GFRA1: variants seen among roughly 807,000 people sequenced by gnomAD.
GFRA1 encodes the protein GDNF family receptor alpha-1.
A neutral mutation model predicts 51.6 loss-of-function variants in GFRA1; 16 were observed. That is an observed-to-expected ratio of 0.31 (90% CI 0.21 to 0.47). The LOEUF is 0.47. Ranked by LOEUF, GFRA1 falls within the 20% of genes least tolerant of loss-of-function variation. The pLI is 1.00. For missense variants in GFRA1, 530 were observed against 594.3 expected (o/e 0.89, Z 1.13); for synonymous variants, 270 against 241.3 (o/e 1.12, Z -1.10).
At chr10:116,133,688 A>T (rs550001145) in intron 5 of GFRA1, among the ~76,000 whole-genome samples, 23 of 152,242 alleles carry the variant, frequency 1.5e-4, no homozygotes, top group Admixed American at 3.3e-4. Context: ...ACAGAATGTA[A>T]AACCCCAGCC....
intron 4 of GFRA1, among the ~76,000 whole-genome samples, chr10:116,213,868 C>T (rs1417089821): frequency 6.6e-6 from 1 of 152,102 alleles, no homozygotes. Flanking sequence ...GCTCATAATT[C>T]CCAGGGAATT....
At chr10:116,136,469 G>C (rs983719130) in intron 5 of GFRA1, among the ~76,000 whole-genome samples, 2 of 152,164 alleles carry the variant, frequency 1.3e-5, no homozygotes, top group African/African-American at 4.8e-5. Flanking sequence ...GAGTAACAAA[G>C]AATCCAAAAC....
At chr10:116,242,207 A>G (rs1374319755) in intron 4 of GFRA1, among the ~76,000 whole-genome samples, 1 of 152,220 alleles carries the variant, frequency 6.6e-6, no homozygotes, top group Non-Finnish European at 1.5e-5. Context: ...TGAAAGCACA[A>G]TTATTTGCAG....
chr10:116,229,946 G>A (rs1211048410), intron 4 of GFRA1, among the ~76,000 whole-genome samples: 1 of 152,186 alleles, frequency 6.6e-6, no homozygotes, highest in East Asian at 1.9e-4. Context: ...CCCTTGGGGA[G>A]CTTCCTTCTC....
intron 4 of GFRA1, among the ~76,000 whole-genome samples, chr10:116,229,003 A>G (rs929018752): frequency 5.4e-5 from 8 of 148,938 alleles, no homozygotes; most frequent in African/African-American, 7.5e-5. Context: ...AAAAAAAAAA[A>G]AAAAGAAAGG....
At chr10:116,176,689 G>GC (rs1284974377) in intron 5 of GFRA1, among the ~76,000 whole-genome samples, 3 of 151,756 alleles carry the variant, frequency 2.0e-5, no homozygotes, top group Non-Finnish European at 4.4e-5. Context: ...CACAAGAATG[G>GC]CCTAACACAC....
intron 3 of GFRA1, 87 bp from the exon 4 acceptor site, chr10:116,269,673 T>C: frequency 3.7e-6 from 3 of 801,320 alleles, no homozygotes; most frequent in Admixed American, 1.8e-5. Flanking sequence ...TCTAATTATG[T>C]TATGATTGTG....
In GFRA1 at chr10:116,196,798, CATATATAA is replaced by C. The variant is rs796660435; in HGVS notation, c.433+14825_433+14832del. ...ACTGTATATAATATAATATATAATA[CATATATAA>C]ATATATAAATATAAAAATACTTATA... On this transcript the variant is annotated intron_variant, in intron 5 of 10. Transcript: ENST00000355422. Among the ~76,000 whole-genome samples the C allele has an allele frequency of 1.3e-3, 139 of 107,008 alleles. 2 individuals carry two copies. The East Asian group carries it at 0.029, about 22-fold the overall frequency. The allele number at this position is 107,008 out of a possible 152,430, so 70.2% of individuals were successfully genotyped here.
intron 4 of GFRA1, among the ~76,000 whole-genome samples, chr10:116,251,990 T>TTTTTTTAA (rs1968412064): frequency 8.9e-6 from 1 of 111,868 alleles, no homozygotes; most frequent in East Asian, 2.7e-4. Context: ...TTTTTTTTTT[T>TTTTTTTAA]ACAATTACCA....
intron 5 of GFRA1, among the ~76,000 whole-genome samples, chr10:116,207,748 AG>A (rs1462432278): frequency 6.6e-6 from 1 of 152,212 alleles, no homozygotes; most frequent in Non-Finnish European, 1.5e-5. Context: ...ATAATTTGCC[AG>A]CCTTAAGGAC....
At chr10:116,221,621 C>T (rs1200919789) in intron 4 of GFRA1, among the ~76,000 whole-genome samples, 3 of 152,160 alleles carry the variant, frequency 2.0e-5, no homozygotes, top group Non-Finnish European at 4.4e-5. Context: ...GATGTGGTTT[C>T]ACTGTGTTGG....
rs556749065 is a variant in GFRA1, at chr10:116,147,387, T to C, written c.434-21830A>G. ...CCAAAGGTCAAGCGCATCTGCACAA[T>C]TGGTTGGAGCTGGTGGTTCACACTG... On this transcript the variant is annotated intron_variant, in intron 5 of 10. Transcript: ENST00000355422. Among the ~76,000 whole-genome samples, 8 of 152,158 alleles carry C rather than the reference T, an allele frequency of 5.3e-5. No homozygotes were observed. In the East Asian group the frequency reaches 9.7e-4, roughly 18 times the overall value.
At chr10:116,161,354 T>C (rs1035320130) in intron 5 of GFRA1, among the ~76,000 whole-genome samples, 8 of 150,566 alleles carry the variant, frequency 5.3e-5, no homozygotes, top group African/African-American at 2.0e-4. Context: ...ATATGGAGAT[T>C]CTCATTTATG....
At chr10:116,148,113 T>C (rs2134125078) in intron 5 of GFRA1, among the ~76,000 whole-genome samples, 1 of 111,778 alleles carries the variant, frequency 8.9e-6, no homozygotes, top group Admixed American at 9.2e-5. Flanking sequence ...TGCATGGGTG[T>C]GTGTGCATGT....
chr10:116,157,542 T>C (rs4528233), intron 5 of GFRA1, among the ~76,000 whole-genome samples: 152,318 of 152,324 alleles, frequency 1, 76,156 homozygotes, highest in Non-Finnish European at 1. Flanking sequence ...TTCATGTTTC[T>C]GCATATGCTG....
At chr10:116,111,330 C>T (rs1253798762) in intron 6 of GFRA1, among the ~76,000 whole-genome samples, 6 of 152,204 alleles carry the variant, frequency 3.9e-5, no homozygotes, top group African/African-American at 1.4e-4. Flanking sequence ...TGGGGCCAGC[C>T]CAGGCAGTGA....
intron 5 of GFRA1, among the ~76,000 whole-genome samples, chr10:116,173,127 T>C (rs1961210224): frequency 6.6e-6 from 1 of 152,194 alleles, no homozygotes. Context: ...AATTGGAAAT[T>C]GCTGTATGTT....
At chr10:116,183,437 C>T (rs941087556) in intron 5 of GFRA1, among the ~76,000 whole-genome samples, 8 of 152,172 alleles carry the variant, frequency 5.3e-5, no homozygotes, top group African/African-American at 1.9e-4. Context: ...ATCTCAGGCT[C>T]ACAGAGGTTC....
intron 9 of GFRA1, among the ~76,000 whole-genome samples, chr10:116,081,493 A>G (rs970595318): frequency 1.8e-4 from 28 of 152,194 alleles, no homozygotes; most frequent in African/African-American, 6.0e-4. Flanking sequence ...AATACAGTGT[A>G]GCCATTTATA....
Sources: gnomAD v4.1 joint callset for allele counts (sites outside exome capture counted in the v4.1 genomes callset) on GRCh38, gnomAD v4.1.1 for gene constraint, MANE v1.5 for transcripts, NCBI Gene and HGNC (gene_info 2026-07-23, HGNC 2026-07-21) for gene names.